ERC2: variants seen among roughly 807,000 people sequenced by gnomAD.
The protein encoded by ERC2 is ELKS/RAB6-interacting/CAST family member 2.
ERC2 carries 42 observed loss-of-function variants against 114.8 expected under a neutral mutation model. The observed-to-expected ratio is 0.37, with a 90% CI of 0.29 to 0.47. The LOEUF is 0.47. Ranked by LOEUF, ERC2 falls within the 20% of genes least tolerant of loss-of-function variation. The pLI, the probability that ERC2 is intolerant of heterozygous loss-of-function variation, is 0.99. For synonymous variants in ERC2, 454 were observed against 425.5 expected (o/e 1.07, Z -0.82); for missense variants, 939 against 1,150.7 (o/e 0.82, Z 2.66).
At chr3:55,783,057 CT>C (rs1377676347) in intron 14 of ERC2, among the ~76,000 whole-genome samples, 23 of 152,198 alleles carry the variant, frequency 1.5e-4, no homozygotes, top group African/African-American at 4.3e-4. Context: ...GAATGGGGCA[CT>C]TTCCTTACAG....
At chr3:55,842,767 C>T (rs911159858) in intron 14 of ERC2, among the ~76,000 whole-genome samples, 1 of 151,982 alleles carries the variant, frequency 6.6e-6, no homozygotes, top group Non-Finnish European at 1.5e-5. Context: ...ATGGAAAGGA[C>T]TGCTTGGCTT....
At chr3:56,314,094 C>T (rs894452305) in intron 2 of ERC2, among the ~76,000 whole-genome samples, 1 of 152,096 alleles carries the variant, frequency 6.6e-6, no homozygotes, top group Non-Finnish European at 1.5e-5. Context: ...ATTTGATTTA[C>T]TATCCCAAAT....
chr3:55,676,311 C>T lies in ERC2; in HGVS notation c.*39+7483G>A, dbSNP rs79386712. On this transcript the variant is annotated intron_variant, in intron 17 of 17. Coordinates refer to ENST00000288221, the MANE Select transcript of ERC2 (RefSeq NM_015576.3). ...TGTCCCAGGTGTAAGACAATTGTCA[C>T]ATAAGATCACGCATGTCTCTCTGGC... Among the ~76,000 whole-genome samples, 115 of 152,080 alleles carry T rather than the reference C, an allele frequency of 7.6e-4. 3 individuals are homozygous for T. The East Asian group carries it at 0.02, about 26-fold the overall frequency.
intron 14 of ERC2, among the ~76,000 whole-genome samples, chr3:55,870,984 A>G (rs1013055885): frequency 2.0e-5 from 3 of 152,190 alleles, no homozygotes; most frequent in African/African-American, 7.2e-5. Context: ...TTTTGAATCA[A>G]TCCTCTCTAG....
intron 13 of ERC2, among the ~76,000 whole-genome samples, chr3:55,896,248 T>C (rs2063836894): frequency 6.6e-6 from 1 of 152,146 alleles, no homozygotes; most frequent in Non-Finnish European, 1.5e-5. Flanking sequence ...TTAATCACAA[T>C]AGTGATTTTA....
chr3:56,083,422 G>A (rs954111874), intron 6 of ERC2, among the ~76,000 whole-genome samples: 2 of 152,168 alleles, frequency 1.3e-5, no homozygotes, highest in African/African-American at 2.4e-5. Flanking sequence ...ATTATAAAGG[G>A]ACAGGAGGGT....
At chr3:55,913,967 A>G (rs1022059809) in intron 13 of ERC2, among the ~76,000 whole-genome samples, 2 of 152,056 alleles carry the variant, frequency 1.3e-5, no homozygotes, top group Non-Finnish European at 2.9e-5. Flanking sequence ...GGACTTTCCA[A>G]TTTCCTTCCC....
At chr3:56,421,342 A>G (rs1344361752) in intron 2 of ERC2, among the ~76,000 whole-genome samples, 1 of 152,126 alleles carries the variant, frequency 6.6e-6, no homozygotes, top group Non-Finnish European at 1.5e-5. Flanking sequence ...TCACCACCTT[A>G]CCCACACACT....
intron 10 of ERC2, among the ~76,000 whole-genome samples, chr3:56,002,620 A>T (rs1005720996): frequency 6.6e-6 from 1 of 152,150 alleles, no homozygotes. Context: ...CATGCCTTTA[A>T]CTGTTACAAA....
At chr3:55,911,563 G>C (rs940216552) in intron 13 of ERC2, among the ~76,000 whole-genome samples, 2 of 152,162 alleles carry the variant, frequency 1.3e-5, no homozygotes, top group African/African-American at 4.8e-5. Flanking sequence ...TCTGAATCAA[G>C]GTTTATTTAT....
chr3:56,162,642 C>A (rs985977030), intron 4 of ERC2, among the ~76,000 whole-genome samples: 3 of 152,176 alleles, frequency 2.0e-5, no homozygotes, highest in Admixed American at 1.3e-4. Flanking sequence ...CCCAGTTCCT[C>A]TAGATTTTCT....
chr3:56,114,593 T>C (rs540324540), intron 6 of ERC2, among the ~76,000 whole-genome samples: 1 of 152,266 alleles, frequency 6.6e-6, no homozygotes, highest in African/African-American at 2.4e-5. Flanking sequence ...TTTCCCATTA[T>C]AAAGGATACA....
chr3:56,131,946 C>T (rs2080227212), intron 6 of ERC2, among the ~76,000 whole-genome samples: 1 of 152,248 alleles, frequency 6.6e-6, no homozygotes, highest in Middle Eastern at 3.4e-3. Context: ...TCACCGTACC[C>T]CATAAATATG....
At chr3:56,449,837 C>T (rs931417241) in intron 1 of ERC2, among the ~76,000 whole-genome samples, 1 of 152,208 alleles carries the variant, frequency 6.6e-6, no homozygotes, top group Admixed American at 6.5e-5. Context: ...CCAAAGCTAC[C>T]AGAATATAAC....
intron 3 of ERC2, among the ~76,000 whole-genome samples, chr3:56,277,748 CAAAAA>C (rs58903780): frequency 6.8e-6 from 1 of 146,482 alleles, no homozygotes; most frequent in African/African-American, 2.6e-5. Context: ...GCCAAATTAC[CAAAAA>C]AAAAAAAAAA....
chr3:56,400,174 T>C (rs2060468704), intron 2 of ERC2, among the ~76,000 whole-genome samples: 1 of 152,138 alleles, frequency 6.6e-6, no homozygotes, highest in Non-Finnish European at 1.5e-5. Context: ...CTTTTATAGA[T>C]AGAGACTAAA....
At chr3:56,269,769 C>G (rs746776043) in intron 3 of ERC2, among the ~76,000 whole-genome samples, 1 of 152,084 alleles carries the variant, frequency 6.6e-6, no homozygotes, top group Non-Finnish European at 1.5e-5. Context: ...CTGCTCAGAA[C>G]GGTCTATGTG....
At chr3:55,514,656 G>A (rs2052360240) in intron 17 of ERC2, among the ~76,000 whole-genome samples, 1 of 152,200 alleles carries the variant, frequency 6.6e-6, no homozygotes, top group African/African-American at 2.4e-5. Flanking sequence ...CCAGGTGACT[G>A]TCAGCAAGGG....
intron 2 of ERC2, among the ~76,000 whole-genome samples, chr3:56,337,410 A>G (rs1002323097): frequency 1.1e-4 from 17 of 152,222 alleles, no homozygotes; most frequent in East Asian, 1.9e-4. Flanking sequence ...GCTCCATCAC[A>G]TATGGGGTAT....
Sources: gnomAD v4.1 joint callset for allele counts (sites outside exome capture counted in the v4.1 genomes callset) on GRCh38, gnomAD v4.1.1 for gene constraint, MANE v1.5 for transcripts, NCBI Gene and HGNC (gene_info 2026-07-23, HGNC 2026-07-21) for gene names.